ANKRD30A: variants seen among roughly 807,000 people sequenced by gnomAD.
ANKRD30A encodes ankyrin repeat domain-containing protein 30A.
In ANKRD30A, 170 loss-of-function variants were observed where a neutral mutation model predicts 166.3. The observed-to-expected ratio is 1.02, with a 90% CI of 0.90 to 1.16. The LOEUF is 1.16. Among genes scored for constraint, ANKRD30A ranks in the 50% most tolerant of loss-of-function variants. The probability of loss-of-function intolerance (pLI) is 0.00; values close to 1 mark genes in which losing one functional copy is unlikely to be tolerated. For missense variants in ANKRD30A, 1,630 were observed against 1,518.0 expected, an observed-to-expected ratio of 1.07 and a Z score of -1.23; for synonymous variants, 564 against 508.9, an observed-to-expected ratio of 1.11 and a Z score of -1.46.
chr10:37,172,439 A>C (rs1269548815), intron 21 of ANKRD30A, among the ~76,000 whole-genome samples: 4 of 125,306 alleles, frequency 3.2e-5, no homozygotes, highest in African/African-American at 9.3e-5. Context: ...TTATAGATTT[A>C]AGATACTATC....
intron 34 of ANKRD30A, 133 bp downstream of exon 34, chr10:37,220,030 A>ATATATAT (rs1842831122): frequency 6.1e-5 from 9 of 147,470 alleles, no homozygotes; most frequent in African/African-American, 2.1e-4. Flanking sequence ...TATATATATA[A>ATATATAT]TATATGTATG....
intron 13 of ANKRD30A, among the ~76,000 whole-genome samples, chr10:37,154,653 C>T (rs576666903): frequency 1.3e-5 from 2 of 151,996 alleles, no homozygotes; most frequent in Admixed American, 6.6e-5. Flanking sequence ...GAACCAAGAG[C>T]ACAAGTCTAG....
At chr10:37,179,038 A>ATG (rs1839973627) in intron 24 of ANKRD30A, among the ~76,000 whole-genome samples, 1 of 69,378 alleles carries the variant, frequency 1.4e-5, no homozygotes, top group Non-Finnish European at 4.2e-5. Flanking sequence ...ATATATATAT[A>ATG]TATATATATA....
At chr10:37,190,547 G>T (rs1324170891) in intron 25 of ANKRD30A, among the ~76,000 whole-genome samples, 2 of 151,804 alleles carry the variant, frequency 1.3e-5, no homozygotes, top group Non-Finnish European at 2.9e-5. Context: ...CGAATGGGAA[G>T]AATCAAGAGC....
intron 5 of ANKRD30A, among the ~76,000 whole-genome samples, chr10:37,134,816 C>A (rs1836581750): frequency 6.6e-6 from 1 of 152,166 alleles, no homozygotes; most frequent in Non-Finnish European, 1.5e-5. Context: ...TTTTCTCTTG[C>A]AAATATTAAT....
the ANKRD30A span, among the ~76,000 whole-genome samples, chr10:37,252,977 A>G: frequency 6.6e-6 from 1 of 152,200 alleles, no homozygotes; most frequent in South Asian, 2.1e-4. Flanking sequence ...ATCAACCAGC[A>G]TTGGAAATAC....
In ANKRD30A at chr10:37,125,837, G is replaced by A; in HGVS notation, c.50G>A (p.Arg17His). 3 of 1,054,044 alleles carry A rather than the reference G, an allele frequency of 2.8e-6. No homozygotes were observed. Among genetic ancestry groups the A allele is most frequent in the Admixed American group, 2.1e-5 (1 of 46,882 alleles). 65.3% of individuals were successfully genotyped at this position (1,054,044 alleles called of 1,614,324 possible). Residue 17 changes from arginine (R) to histidine (H), a missense_variant, in exon 1 of 36, where the codon CGC becomes CAC. By Grantham distance (29) the Arg-to-His change is conservative (BLOSUM62 0). This residue lies in a region of ANKRD30A where 904 missense variants were observed against 818.5 expected (regional missense o/e 1.10). Transcript: ENST00000361713. The stretch of plus-strand genomic sequence containing the variant: ...GTCAAGGTCGTGCCGGGCCCGGAGC[G>A]CCCGAGCCCTTTCAGCCAGCTAGTC... ...AAVKVVPGPE[R>H]PSPFSQLVYT...
intron 17 of ANKRD30A, 61 bp from the exon 18 acceptor site, chr10:37,165,032 GT>G (rs1839202995): frequency 6.6e-7 from 1 of 1,508,002 alleles, no homozygotes; most frequent in Non-Finnish European, 9.2e-7. Context: ...ATTTGTATAT[GT>G]TTTTAAAATT....
intron 31 of ANKRD30A, among the ~76,000 whole-genome samples, chr10:37,207,386 G>A (rs962798347): frequency 2.6e-5 from 4 of 152,108 alleles, no homozygotes; most frequent in Non-Finnish European, 5.9e-5. Context: ...CCATGTGTGA[G>A]ATTCATAGAT....
chr10:37,245,128 T>C, the ANKRD30A span, among the ~76,000 whole-genome samples: 1 of 152,140 alleles, frequency 6.6e-6, no homozygotes, highest in Non-Finnish European at 1.5e-5. Flanking sequence ...ACTTAATTAA[T>C]TTTAAAAAAT....
chr10:37,149,546 C>T (rs989422475), intron 9 of ANKRD30A, 105 bp from the exon 10 acceptor site: 1 of 1,375,974 alleles, frequency 7.3e-7, no homozygotes, highest in Non-Finnish European at 1.0e-6. Context: ...AGTATTCGTT[C>T]TCAAAGTCGA....
At chr10:37,130,441 T>C (rs1836315378) in intron 3 of ANKRD30A, 63 bp downstream of exon 3, 3 of 1,286,192 alleles carry the variant, frequency 2.3e-6, no homozygotes, top group Middle Eastern at 4.1e-4. Flanking sequence ...CATTAACATA[T>C]GTAAGGTTTT....
intron 31 of ANKRD30A, among the ~76,000 whole-genome samples, chr10:37,204,480 A>C (rs556863464): frequency 7.2e-5 from 11 of 152,208 alleles, no homozygotes; most frequent in Non-Finnish European, 1.5e-4. Context: ...AGATGGATTA[A>C]AGACTTAAAT....
chr10:37,151,886 G>A (rs1325413755), intron 11 of ANKRD30A, among the ~76,000 whole-genome samples, 174 bp from the exon 12 acceptor site: 2 of 151,962 alleles, frequency 1.3e-5, no homozygotes, highest in Admixed American at 6.5e-5. Context: ...AGACTTTTTA[G>A]ATTTCAATTC....
chr10:37,247,284 C>T, the ANKRD30A span, among the ~76,000 whole-genome samples: 19 of 152,190 alleles, frequency 1.2e-4, no homozygotes, highest in African/African-American at 4.1e-4. Flanking sequence ...GCTCAGGTAA[C>T]GGTGGTGTCA....
chr10:37,240,265 C>G, the ANKRD30A span, among the ~76,000 whole-genome samples: 44 of 152,200 alleles, frequency 2.9e-4, no homozygotes, highest in East Asian at 1.4e-3. Context: ...GGCTCTAACT[C>G]TCTGCCATCC....
chr10:37,198,780 T>C (rs576414937), intron 29 of ANKRD30A, among the ~76,000 whole-genome samples: 1 of 152,146 alleles, frequency 6.6e-6, no homozygotes, highest in Non-Finnish European at 1.5e-5. Flanking sequence ...AATTGATGGA[T>C]GTCAAATGAT....
At chr10:37,200,558 A>G (rs1841537378) in intron 30 of ANKRD30A, among the ~76,000 whole-genome samples, 1 of 151,998 alleles carries the variant, frequency 6.6e-6, no homozygotes, top group Admixed American at 6.6e-5. Flanking sequence ...AGACAGGTAG[A>G]TTTTATCTGA....
intron 17 of ANKRD30A, 47 bp downstream of exon 17, chr10:37,162,895 G>T: frequency 6.3e-7 from 1 of 1,592,430 alleles, no homozygotes. Context: ...TTCAATATTG[G>T]ACATTTTGAT....
Sources: allele counts gnomAD v4.1 joint callset (sites outside exome capture counted in the v4.1 genomes callset), GRCh38; gene constraint gnomAD v4.1.1; regional missense constraint gnomAD v4.1.1; transcripts MANE v1.5; gene names NCBI Gene and HGNC (gene_info 2026-07-23, HGNC 2026-07-21).